Variants in PDK3 observed in about 807,000 individuals in gnomAD.
The protein encoded by PDK3 is pyruvate dehydrogenase kinase, isozyme 3.
PDK3 carries 12 observed loss-of-function variants against 32.0 expected under a neutral mutation model. The ratio of observed to expected loss-of-function variants is 0.37; its 90% confidence interval spans 0.24 to 0.61. The LOEUF is 0.61. PDK3 is among the 20% of genes least tolerant of loss of function. PDK3 has a pLI of 0.65. For synonymous variants in PDK3, 122 were observed against 116.3 expected (o/e 1.05, Z -0.31); for missense variants, 188 against 316.9 (o/e 0.59, Z 3.09).
intron 3 of PDK3, among the ~76,000 whole-genome samples, chrX:24,500,832 A>G (rs932103861): frequency 1.8e-5 from 2 of 111,844 alleles, no homozygotes; most frequent in Non-Finnish European, 3.8e-5. Flanking sequence ...AAGAGCCCGG[A>G]AGATTGGAGG....
At chrX:24,531,624 T>C (rs748184898) in intron 9 of PDK3, 33 bp from the exon 10 acceptor site, 1 of 776,354 alleles carries the variant, frequency 1.3e-6, no homozygotes, top group Non-Finnish European at 2.0e-6. Context: ...CATTTGTGCC[T>C]GTCTCACTGT....
At chrX:24,537,101 T>C (rs932809214), downstream of PDK3, among the ~76,000 whole-genome samples, 15 of 104,062 alleles carry the variant, frequency 1.4e-4, no homozygotes, top group African/African-American at 5.3e-4. Context: ...TCAAGGAGTC[T>C]TGTTTCTTTT....
chrX:24,519,698 A>G (rs181126207), intron 6 of PDK3, among the ~76,000 whole-genome samples: 52 of 112,074 alleles, frequency 4.6e-4, no homozygotes, highest in Non-Finnish European at 7.7e-4. Context: ...TTTCAAAATG[A>G]CAGTGATTAA....
intron 1 of PDK3, among the ~76,000 whole-genome samples, chrX:24,484,110 C>G (rs1169062883): frequency 2.7e-5 from 3 of 111,236 alleles, no homozygotes; most frequent in African/African-American, 9.8e-5. Flanking sequence ...CTCCCAGGTT[C>G]AAGCGATTTT....
intron 5 of PDK3, among the ~76,000 whole-genome samples, chrX:24,510,067 C>A (rs1424693438): frequency 8.9e-6 from 1 of 112,133 alleles, no homozygotes; most frequent in East Asian, 2.8e-4. Flanking sequence ...GATTACAGGG[C>A]AGCACGGAGT....
chrX:24,545,327 A>C (rs966458535), exon 12 of PDK3, among the ~76,000 whole-genome samples: 4 of 112,053 alleles, frequency 3.6e-5, no homozygotes, highest in Non-Finnish European at 5.6e-5. Context: ...CTTCATCAGG[A>C]TTCCTTTTGG....
At chrX:24,466,611 G>A (rs1393649610) in intron 1 of PDK3, among the ~76,000 whole-genome samples, 1 of 110,916 alleles carries the variant, frequency 9.0e-6, no homozygotes, top group East Asian at 2.8e-4. Context: ...GACCTGATAT[G>A]CAAAAAGTGA....
chrX:24,482,441 C>G (rs1921285410), intron 1 of PDK3, among the ~76,000 whole-genome samples: 1 of 111,768 alleles, frequency 8.9e-6, no homozygotes, highest in South Asian at 3.7e-4. Flanking sequence ...AACTCCTGAC[C>G]TCAAGTAATC....
chrX:24,496,725 GTCC>G (rs1921718482), intron 2 of PDK3, among the ~76,000 whole-genome samples: 1 of 93,573 alleles, frequency 1.1e-5, no homozygotes, highest in Non-Finnish European at 2.1e-5. Context: ...GTCACAGTGT[GTCC>G]TCCTTGCTCT....
intron 5 of PDK3, among the ~76,000 whole-genome samples, chrX:24,513,265 C>G (rs1922170712): frequency 9.0e-6 from 1 of 111,270 alleles, no homozygotes; most frequent in Non-Finnish European, 1.9e-5. Flanking sequence ...TTGGATCCCA[C>G]TTGGGATGGG....
Position 24,480,557 on chromosome X carries a change from C to T in PDK3, c.107-14185C>T, listed in dbSNP as rs182500047. The stretch of plus-strand genomic sequence containing the variant: ...TGCTGGTGCTTTTGGGTTACCCAGG[C>T]GATTGTGTAATAATATTCTTCCAGA... On this transcript the variant is annotated intron_variant, in intron 1 of 10. Coordinates refer to ENST00000379162, the MANE Select transcript of PDK3 (RefSeq NM_005391.5). Among the ~76,000 whole-genome samples, 221 of 111,890 alleles carry T rather than the reference C, an allele frequency of 2.0e-3. 1 individual carries two copies. The highest frequency in any genetic ancestry group is 0.017 in the Admixed American group (183 of 10,538).
chrX:24,517,080 G>A lies in PDK3; in HGVS notation c.596-1853G>A, dbSNP rs771645952. Among the ~76,000 whole-genome samples, 18 of 111,107 alleles carry A rather than the reference G, an allele frequency of 1.6e-4. No homozygotes were observed. The South Asian group carries it at 2.3e-3, about 14-fold the overall frequency. ...CAAAGTGCTGGGATTACAGGTGTGA[G>A]CCACTGTGCCCAGCTGTGTGTACAC... On this transcript the variant is annotated intron_variant, in intron 5 of 10. Transcript: ENST00000379162.
downstream of PDK3, chrX:24,539,416 C>A (rs1383144587): frequency 5.6e-6 from 2 of 358,220 alleles, no homozygotes; most frequent in Non-Finnish European, 9.7e-6. Flanking sequence ...CCGAAGAGCA[C>A]AGAGCCTCCT....
At chrX:24,495,874 G>C (rs1229712749) in intron 2 of PDK3, among the ~76,000 whole-genome samples, 1 of 111,918 alleles carries the variant, frequency 8.9e-6, no homozygotes, top group Admixed American at 9.5e-5. Flanking sequence ...CATAAACTCA[G>C]GTGTGGTCAA....
At chrX:24,546,042 C>G (rs1302183298) in exon 12 of PDK3, 2 of 111,973 alleles carry the variant, frequency 1.8e-5, no homozygotes, top group African/African-American at 6.5e-5. Context: ...TTCTCACCTT[C>G]ACGTCGATTG....
chrX:24,542,341 A>T (rs975173164), exon 12 of PDK3, among the ~76,000 whole-genome samples: 15 of 112,295 alleles, frequency 1.3e-4, no homozygotes, highest in African/African-American at 4.9e-4. Context: ...TGCATACAGC[A>T]TGCCATTTGA....
At position 24,489,703 on chromosome X, in the gene PDK3, GAAAA is replaced by G. The variant is rs1241227562; in HGVS notation, c.107-5033_107-5030del. Among the ~76,000 whole-genome samples the G allele has an allele frequency of 1.1e-4, 9 of 83,592 alleles. No homozygotes were observed. In the East Asian group the frequency reaches 3.0e-3, roughly 28 times the overall value. 72.6% of individuals were successfully genotyped at this position (83,592 alleles called of 115,157 possible). A position where few individuals can be genotyped will look rare whatever the true frequency, so the allele number is the denominator to read the frequency against. On this transcript the variant is annotated intron_variant, in intron 1 of 10. Coordinates refer to ENST00000379162, the MANE Select transcript of PDK3 (RefSeq NM_005391.5). ...CTGTCTCAAAAAAAAAAAAAAAAAAGAAAAAAAAAGAAATCAACAACAAACAAAG... is the reference window on the plus strand; with the variant it reads ...CTGTCTCAAAAAAAAAAAAAAAAAAGAAAAAGAAATCAACAACAAACAAAG...
intron 2 of PDK3, among the ~76,000 whole-genome samples, chrX:24,496,296 TAC>T (rs74314230): frequency 0.022 from 2,209 of 102,607 alleles, 33 homozygotes; most frequent in Non-Finnish European, 0.032. Flanking sequence ...ACTCTCTGCA[TAC>T]ACACACACAC....
Position 24,505,305 on chromosome X carries a change from A to G in PDK3, c.595+7A>G. On this transcript the variant is annotated splice_region_variant and intron_variant, in intron 5 of 10. Transcript: ENST00000379162. The stretch of plus-strand genomic sequence containing the variant: ...GTGGCGGATGTGGTGAAAGGTAAGG[A>G]GACCGTTGTAATGGTATCGATCGTA... The G allele has an allele frequency of 8.7e-7, 1 of 1,149,161 alleles. No individual in the cohort carries two copies. The allele number at this position is 1,149,161 out of a possible 1,213,427, so 94.7% of individuals were successfully genotyped here.
Sources: allele counts gnomAD v4.1 joint callset (sites outside exome capture counted in the v4.1 genomes callset), GRCh38; gene constraint gnomAD v4.1.1; transcripts MANE v1.5; gene names NCBI Gene and HGNC (gene_info 2026-07-23, HGNC 2026-07-21).